The following TACC3 variants were observed in gnomAD, a reference collection of about 807,000 sequenced individuals.
The protein encoded by TACC3 is transforming acidic coiled-coil-containing protein 3.
In TACC3, 52 loss-of-function variants were observed where a neutral mutation model predicts 86.0. The observed-to-expected ratio is 0.60, with a 90% CI of 0.48 to 0.76. The LOEUF (loss-of-function observed/expected upper bound fraction) is 0.76. Ranked by LOEUF, TACC3 falls within the 30% of genes least tolerant of loss-of-function variation. The probability of loss-of-function intolerance (pLI) is 0.00; values close to 1 mark genes in which losing one functional copy is unlikely to be tolerated. For synonymous variants in TACC3, 512 were observed against 430.0 expected, an observed-to-expected ratio of 1.19 and a Z score of -2.36; for missense variants, 1,120 against 1,070.4, an observed-to-expected ratio of 1.05 and a Z score of -0.65.
At chr4:1,743,724 C>T (rs1038482494) in intron 13 of TACC3, among the ~76,000 whole-genome samples, 1 of 152,120 alleles carries the variant, frequency 6.6e-6, no homozygotes, top group African/African-American at 2.4e-5. Flanking sequence ...GCCGCTGTGG[C>T]GGGAGGCTTG....
intron 8 of TACC3, among the ~76,000 whole-genome samples, chr4:1,736,162 G>A (rs1718252540): frequency 6.6e-6 from 1 of 152,222 alleles, no homozygotes; most frequent in South Asian, 2.1e-4. Context: ...GGTGGCTTAC[G>A]CCTGTAATCC....
intron 12 of TACC3, 156 bp downstream of exon 12, chr4:1,740,158 T>C (rs1718512713): frequency 5.6e-6 from 4 of 708,546 alleles, no homozygotes; most frequent in Non-Finnish European, 9.4e-6. Flanking sequence ...GTGGAAGCAC[T>C]GAGGCGAGTT....
intron 8 of TACC3, among the ~76,000 whole-genome samples, chr4:1,736,422 CAAAAAAAAAA>C (rs1164866581): frequency 3.0e-5 from 2 of 65,826 alleles, no homozygotes; most frequent in East Asian, 5.8e-4. Context: ...GACTCCATCT[CAAAAAAAAAA>C]AAAAAAAAAA....
chr4:1,722,111 T>TC (rs1264077381), intron 1 of TACC3, among the ~76,000 whole-genome samples: 1 of 150,456 alleles, frequency 6.6e-6, no homozygotes, highest in Non-Finnish European at 1.5e-5. Context: ...CGCTCCACCT[T>TC]CCCCCCGCAC....
chr4:1,740,959 G>A lies in TACC3; in HGVS notation c.2196G>A (p.Gln732=), dbSNP rs1245775495. Residue 732 remains glutamine, a synonymous_variant, in exon 13 of 16, where the codon CAG becomes CAA. Coordinates refer to ENST00000313288, the MANE Select transcript of TACC3 (RefSeq NM_006342.3). ...ACCTCTTCAAGCGTTTTGAGAAACA[G>A]AAAGAGGTGATCGAGGGCTACCGCA... The part of the protein sequence containing the change: ...FSDLFKRFEK[Q]KEVIEGYRKN... 1.2e-6 allele frequency: 2 copies of A among 1,609,760 alleles called. No homozygotes were observed. The highest frequency in any genetic ancestry group is 2.2e-5 in the East Asian group (1 of 44,834).
chr4:1,736,730 G>T (rs1272259064), intron 8 of TACC3, among the ~76,000 whole-genome samples: 1 of 152,000 alleles, frequency 6.6e-6, no homozygotes, highest in African/African-American at 2.4e-5. Context: ...CCAACATAGT[G>T]AACCCCCATC....
Position 1,727,829 on chromosome 4 carries a change from G to A in TACC3, c.427G>A (p.Glu143Lys), listed in dbSNP as rs34205238. 0.16 allele frequency: 257,037 copies of A among 1,612,934 alleles called. 23,027 individuals are homozygous for A. Among genetic ancestry groups the A allele is most frequent in the Non-Finnish European group, 0.19 (218,416 of 1,179,962 alleles). ...AGCCTTTGGGAGTGGCAGCTCCAGC[G>A]AGTCTGGCCCAGGTGCCCTGGCTGA... The part of the protein sequence containing the change: ...SPAFGSGSSS[E>K]SGPGALADLD... Residue 143 changes from glutamate to lysine, a missense_variant, in exon 4 of 16, where the codon GAG (glutamate) becomes AAG (lysine). Transcript: ENST00000313288.
At chr4:1,731,101 T>C in intron 5 of TACC3, 71 bp from the exon 6 acceptor site, 1 of 1,600,238 alleles carries the variant, frequency 6.2e-7, no homozygotes, top group South Asian at 1.1e-5. Context: ...TCAACAAGGT[T>C]GTGGGGAGGC....
intron 11 of TACC3, 72 bp downstream of exon 11, chr4:1,739,850 A>G: frequency 8.2e-7 from 1 of 1,214,276 alleles, no homozygotes; most frequent in Non-Finnish European, 1.1e-6. Context: ...CCCCCTCGCC[A>G]TCCTTGTCCC....
intron 13 of TACC3, 31 bp from the exon 14 acceptor site, chr4:1,744,487 G>C: frequency 6.3e-7 from 1 of 1,599,816 alleles, no homozygotes; most frequent in Non-Finnish European, 8.5e-7. Flanking sequence ...AGACGGCGTG[G>C]TACCCACAGC....
Position 1,735,674 on chromosome 4 carries a change from C to CG in TACC3, c.1645-57_1645-56insG. ...GCAGGTGACCTCCCTGGCCCTTAGCCCCCGTGTGTGTTAGGGGATGGCAGT... is the reference window on the plus strand; with the variant it reads ...GCAGGTGACCTCCCTGGCCCTTAGCCGCCCGTGTGTGTTAGGGGATGGCAGT... On this transcript the variant is annotated intron_variant, in intron 7 of 15. Transcript: ENST00000313288. This position sits in a 1 kb window ranked among gnomAD's most constrained non-coding sequence, Gnocchi z 4.2. The CG allele has an allele frequency of 3.0e-6, 4 of 1,344,158 alleles. No homozygotes were observed. The highest frequency in any genetic ancestry group is 1.2e-5 in the South Asian group (1 of 83,852). 83.3% of individuals were successfully genotyped at this position (1,344,158 alleles called of 1,614,324 possible). A position where few individuals can be genotyped will look rare whatever the true frequency, so the allele number is the denominator to read the frequency against.
At chr4:1,737,876 C>T (rs751829353) in intron 10 of TACC3, 174 bp downstream of exon 10, 10 of 717,664 alleles carry the variant, frequency 1.4e-5, no homozygotes, top group South Asian at 3.0e-5. Context: ...CTGCCCAGGT[C>T]GCTGAGGGTC....
rs1717769756 is a variant in TACC3 at position 1,727,859 on chromosome 4, G to T, written c.457G>T (p.Asp153Tyr). ...ESGPGALADL[D>Y]CSSSSQSPGS... The stretch of plus-strand genomic sequence containing the variant: ...TGGCCCAGGTGCCCTGGCTGACCTG[G>T]ACTGCTCAAGCTCTTCCCAGAGCCC... Residue 153 changes from aspartate to tyrosine, a missense_variant, in exon 4 of 16, where the codon GAC (aspartate) becomes TAC (tyrosine). Transcript: ENST00000313288. 6.2e-7 allele frequency: 1 copy of T among 1,613,478 alleles called. No individual in the cohort carries two copies. Among genetic ancestry groups the T allele is most frequent in the Admixed American group, 1.7e-5 (1 of 60,014 alleles).
intron 3 of TACC3, 134 bp from the exon 4 acceptor site, chr4:1,727,574 C>A: frequency 7.1e-7 from 1 of 1,414,248 alleles, no homozygotes; most frequent in South Asian, 1.4e-5. Context: ...GGGTGGAGAA[C>A]GGGAAGCCGT....
rs1046926433 is a variant in TACC3 at position 1,735,448 on chromosome 4, T to C, written c.1644+123T>C. 2.3e-5 allele frequency: 27 copies of C among 1,163,526 alleles called. No homozygotes were observed. Among genetic ancestry groups the C allele is most frequent in the African/African-American group, 1.2e-4 (8 of 66,060 alleles). The allele number at this position is 1,163,526 out of a possible 1,614,324, so 72.1% of individuals were successfully genotyped here. ...CCCCAGCTGCACACAGGCCCAGGCATTGTGGCGGGCTGTGAATCCAGGGCC... is the reference window on the plus strand; with the variant it reads ...CCCCAGCTGCACACAGGCCCAGGCACTGTGGCGGGCTGTGAATCCAGGGCC... On this transcript the variant is annotated intron_variant, in intron 7 of 15. Transcript: ENST00000313288. This position sits in a 1 kb window ranked among gnomAD's most constrained non-coding sequence, Gnocchi z 4.2.
At chr4:1,725,765 C>A (rs1717652531) in intron 3 of TACC3, among the ~76,000 whole-genome samples, 1 of 152,230 alleles carries the variant, frequency 6.6e-6, no homozygotes, top group Admixed American at 6.5e-5. Context: ...CTGCTGAGGC[C>A]CAGGTGGTGG....
At chr4:1,731,965 G>C (rs1718025968) in intron 6 of TACC3, among the ~76,000 whole-genome samples, 1 of 152,264 alleles carries the variant, frequency 6.6e-6, no homozygotes, top group Non-Finnish European at 1.5e-5. Context: ...TGTGAAGCCT[G>C]AACCTTAGAC....
chr4:1,720,741 C>G, upstream of TACC3: 2 of 1,575,278 alleles, frequency 1.3e-6, no homozygotes, highest in Non-Finnish European at 1.7e-6. The surrounding 1 kb of genome is among the most constrained non-coding windows in gnomAD (Gnocchi z 4.4). Flanking sequence ...AGGTTCTGCA[C>G]CGTGAGCCCC....
upstream of TACC3, chr4:1,721,157 CTCTCT>C (rs1220925804): frequency 7.4e-5 from 16 of 215,354 alleles, no homozygotes; most frequent in East Asian, 1.9e-3. Context: ...CGGGTGCGGC[CTCTCT>C]TCTCGGCCGG....
Sources: gnomAD v4.1 joint callset for allele counts (sites outside exome capture counted in the v4.1 genomes callset) on GRCh38, gnomAD v4.1.1 for gene constraint, Gnocchi (gnomAD v3.1) non-coding constraint, MANE v1.5 for transcripts, NCBI Gene and HGNC (gene_info 2026-07-23, HGNC 2026-07-21) for gene names.